CR1: variants seen among roughly 807,000 people sequenced by gnomAD.
The protein encoded by CR1 is complement C3b/C4b receptor 1 (Knops blood group).
CR1 carries 116 observed loss-of-function variants against 187.3 expected under a neutral mutation model. The ratio of observed to expected loss-of-function variants is 0.62; its 90% confidence interval spans 0.53 to 0.72. CR1 has a LOEUF of 0.72. CR1 is among the 30% of genes least tolerant of loss of function. The probability of loss-of-function intolerance (pLI) is 0.00; values close to 1 mark genes in which losing one functional copy is unlikely to be tolerated. For missense variants in CR1, 1,731 were observed against 2,110.7 expected (o/e 0.82, Z 3.52); for synonymous variants, 576 against 747.1 (o/e 0.77, Z 3.73).
rs138744517 is a variant in CR1, at chr1:207,603,844, T to C, written c.5811-3407T>C. Among the ~76,000 whole-genome samples, 610 of 152,298 alleles carry C rather than the reference T, an allele frequency of 4.0e-3. 10 individuals are homozygous for C. Among genetic ancestry groups the C allele is most frequent in the African/African-American group, 0.014 (589 of 41,558 alleles). On this transcript the variant is annotated intron_variant, in intron 35 of 46. Coordinates refer to ENST00000367049, the MANE Select transcript of CR1 (RefSeq NM_000651.6). ...GCAAAAACACTACAATGCACGATCC[T>C]GCACACGTGAAAAGAAATGAGATGA...
chr1:207,513,800 C>T (rs1251258107), intron 4 of CR1, among the ~76,000 whole-genome samples: 1 of 132,700 alleles, frequency 7.5e-6, no homozygotes, highest in African/African-American at 2.8e-5. Context: ...TCCTTCCTTC[C>T]TTCCTTCCCT....
intron 45 of CR1, among the ~76,000 whole-genome samples, chr1:207,627,915 G>A (rs1296935810): frequency 6.6e-6 from 1 of 152,136 alleles, no homozygotes; most frequent in Non-Finnish European, 1.5e-5. Flanking sequence ...AAGGAGTAAA[G>A]GAGCTCTCCT....
rs187376446 is a variant in CR1, at chr1:207,614,389, T to C, written c.6576-15T>C. 35 of 1,579,028 alleles carry C rather than the reference T, an allele frequency of 2.2e-5. 1 individual carries two copies. The East Asian group carries it at 7.6e-4, about 34-fold the overall frequency. On this transcript the variant is annotated splice_polypyrimidine_tract_variant and intron_variant, in intron 39 of 46. Transcript: ENST00000367049. ...GAATTGCTCACACATTTGCTACCACTTTTTTTTTCTTTAGGTTCCGATTAA... is the reference window on the plus strand; with the variant it reads ...GAATTGCTCACACATTTGCTACCACCTTTTTTTTCTTTAGGTTCCGATTAA...
intron 39 of CR1, among the ~76,000 whole-genome samples, 193 bp from the exon 40 acceptor site, chr1:207,614,211 C>T (rs992524244): frequency 6.6e-6 from 1 of 152,116 alleles, no homozygotes; most frequent in African/African-American, 2.4e-5. Flanking sequence ...AATAAATTGG[C>T]CTTTGAGTTT....
intron 32 of CR1, 148 bp from the exon 33 acceptor site, chr1:207,584,501 C>T: frequency 3.1e-6 from 3 of 956,108 alleles, no homozygotes; most frequent in South Asian, 3.7e-5. Context: ...TAGCAGAGGC[C>T]TAATACATTT....
At chr1:207,501,354 A>C (rs1457084708) in intron 1 of CR1, among the ~76,000 whole-genome samples, 1 of 152,230 alleles carries the variant, frequency 6.6e-6, no homozygotes, top group Non-Finnish European at 1.5e-5. Flanking sequence ...ATATGTTATA[A>C]GTAATCGAAT....
At chr1:207,520,781 G>T (rs549438336) in intron 4 of CR1, among the ~76,000 whole-genome samples, 8 of 152,110 alleles carry the variant, frequency 5.3e-5, no homozygotes, top group South Asian at 4.1e-4. Flanking sequence ...GTATTGTAGA[G>T]CTTCTGACAA....
chr1:207,503,627 C>A (rs1659341156), intron 1 of CR1, among the ~76,000 whole-genome samples: 1 of 152,148 alleles, frequency 6.6e-6, no homozygotes, highest in Admixed American at 6.5e-5. Flanking sequence ...TTTATAAGGA[C>A]CCTTGTGATC....
chr1:207,567,150 T>G lies in CR1; in HGVS notation c.3953-674T>G, dbSNP rs769522910. On this transcript the variant is annotated intron_variant, in intron 24 of 46. Coordinates refer to ENST00000367049, the MANE Select transcript of CR1 (RefSeq NM_000651.6). Reference sequence around the variant, plus strand: ...GGAAGAGACTGTTCTAAACAAATCATTAGATGCTAGAAAGGAGTAACAACT... The same window carrying G: ...GGAAGAGACTGTTCTAAACAAATCAGTAGATGCTAGAAAGGAGTAACAACT... Among the ~76,000 whole-genome samples, 13 of 150,316 alleles carry G rather than the reference T, an allele frequency of 8.6e-5. No individual in the cohort carries two copies. In the East Asian group the frequency reaches 9.6e-4, roughly 11 times the overall value.
chr1:207,575,356 C>T (rs1161293356), intron 27 of CR1, among the ~76,000 whole-genome samples: 1 of 152,082 alleles, frequency 6.6e-6, no homozygotes, highest in Non-Finnish European at 1.5e-5. Flanking sequence ...AGTTGCAGTC[C>T]ACAGTGAAGC....
chr1:207,587,684 A>C, intron 34 of CR1, 119 bp downstream of exon 34: 1 of 963,854 alleles, frequency 1.0e-6, no homozygotes, highest in Non-Finnish European at 1.5e-6. Flanking sequence ...AGATAGCTTG[A>C]ACTCAGGAGT....
chr1:207,612,068 A>G, intron 39 of CR1, 27 bp downstream of exon 39: 3 of 1,601,746 alleles, frequency 1.9e-6, no homozygotes, highest in Non-Finnish European at 2.6e-6. Flanking sequence ...GTTGAGACCA[A>G]GGACTCAGTG....
At chr1:207,565,645 T>C (rs1660470349) in intron 23 of CR1, among the ~76,000 whole-genome samples, 193 bp from the exon 24 acceptor site, 1 of 150,214 alleles carries the variant, frequency 6.7e-6, no homozygotes, top group Admixed American at 6.6e-5. Flanking sequence ...GTGACCAAGC[T>C]ACTACATTTT....
At position 207,566,777 on chromosome 1, in the gene CR1, A is replaced by G. The variant is rs1045993617; in HGVS notation, c.3952+854A>G. Among the ~76,000 whole-genome samples the G allele has an allele frequency of 4.7e-5, 7 of 150,400 alleles. 2 individuals carry two copies. Among genetic ancestry groups the G allele is most frequent in the African/African-American group, 1.8e-4 (7 of 39,778 alleles). On this transcript the variant is annotated intron_variant, in intron 24 of 46. Transcript: ENST00000367049. ...AGTCTACCCATGTATAATTTCCCCA[A>G]TGGAAGATAGAACTTTGCTTCAATT...
At chr1:207,577,758 C>T (rs1660797798) in intron 28 of CR1, 47 bp from the exon 29 acceptor site, 2 of 1,608,192 alleles carry the variant, frequency 1.2e-6, no homozygotes, top group African/African-American at 2.7e-5. Context: ...GACAGCAAGA[C>T]TCTGTCCCAA....
intron 38 of CR1, 22 bp downstream of exon 38, chr1:207,611,875 C>A (rs1661942564): frequency 1.9e-6 from 3 of 1,613,840 alleles, no homozygotes; most frequent in Non-Finnish European, 2.5e-6. Flanking sequence ...CTCTGGCTTC[C>A]AGATTGCTCT....
Position 207,567,806 on chromosome 1 carries a change from C to A in CR1, c.3953-18C>A, listed in dbSNP as rs1390654305. On this transcript the variant is annotated intron_variant, in intron 24 of 46. Coordinates refer to ENST00000367049, the MANE Select transcript of CR1 (RefSeq NM_000651.6). ...TGAAACTCCTGAATGAAACTTAGAG[C>A]TTTTGTATGTTTTCTAGAAATCTTT... 3 of 1,611,068 alleles carry A rather than the reference C, an allele frequency of 1.9e-6. No individual in the cohort carries two copies. Among genetic ancestry groups the A allele is most frequent in the East Asian group, 2.2e-5 (1 of 44,870 alleles).
chr1:207,616,808 T>C lies in CR1; in HGVS notation c.6889+6T>C, dbSNP rs767227710. 1.2e-6 allele frequency: 2 copies of C among 1,613,740 alleles called. No homozygotes were observed. The highest frequency in any genetic ancestry group is 1.1e-5 in the South Asian group (1 of 91,058). ...TGAACTTTCTGTTCCTGCTGGTTAG[T>C]ACCTGCTTCCACATATCCTAAATGG... is the stretch of plus-strand genomic sequence containing the variant. On this transcript the variant is annotated splice_donor_region_variant and intron_variant, in intron 41 of 46. Coordinates refer to ENST00000367049, the MANE Select transcript of CR1 (RefSeq NM_000651.6).
chr1:207,521,833 T>A (rs144015064), intron 4 of CR1, among the ~76,000 whole-genome samples: 2,631 of 143,664 alleles, frequency 0.018, 34 homozygotes, highest in Non-Finnish European at 0.027. Flanking sequence ...TATATGTATA[T>A]ATACTTTTTT....
Sources: gnomAD v4.1 joint callset for allele counts (sites outside exome capture counted in the v4.1 genomes callset) on GRCh38, gnomAD v4.1.1 for gene constraint, MANE v1.5 for transcripts, NCBI Gene and HGNC (gene_info 2026-07-23, HGNC 2026-07-21) for gene names.